CNTNAP4: variants seen among roughly 807,000 people sequenced by gnomAD.
CNTNAP4 encodes contactin associated protein family member 4.
Under a neutral mutation model 148.4 loss-of-function variants are expected in CNTNAP4, and 98 were observed. The observed-to-expected ratio is 0.66, with a 90% CI of 0.56 to 0.78. The LOEUF is 0.78. CNTNAP4 is among the 30% of genes least tolerant of loss of function. The pLI is 0.00. For synonymous variants in CNTNAP4, 730 were observed against 565.1 expected (o/e 1.29, Z -4.14); for missense variants, 1,935 against 1,565.6 (o/e 1.24, Z -3.98).
At chr16:76,328,808 G>T (rs1023751410) in intron 2 of CNTNAP4, among the ~76,000 whole-genome samples, 8 of 152,064 alleles carry the variant, frequency 5.3e-5, no homozygotes, top group African/African-American at 1.9e-4. Flanking sequence ...ACCGCACCTG[G>T]CTAATTTTGT....
chr16:76,334,140 C>G (rs2144279250), intron 2 of CNTNAP4, among the ~76,000 whole-genome samples: 1 of 151,332 alleles, frequency 6.6e-6, no homozygotes, highest in African/African-American at 2.4e-5. Flanking sequence ...GTGTAACAAA[C>G]CTGCACGTTG....
Position 76,316,482 on chromosome 16 carries a change from G to T in CNTNAP4, c.155G>T (p.Ser52Ile), listed in dbSNP as rs564947095. ...TTCAGCAGTTCTTCCGAGCTCTCCA[G>T]CAGTCATGGTCCTGGATTTGCAAGG... ...ASFSSSSELSSSHGPGFARLN... is the reference protein window; with the variant it reads ...ASFSSSSELSISHGPGFARLN... Residue 52 changes from serine (S) to isoleucine (I), a missense_variant, in exon 2 of 24, where the codon AGC (serine) becomes ATC (isoleucine). Physicochemically the swap from Ser to Ile is moderately radical, Grantham distance 142 (BLOSUM62 -2). Transcript: ENST00000611870. 1 of 1,613,882 alleles carries T rather than the reference G, an allele frequency of 6.2e-7. No individual in the cohort carries two copies. The highest frequency in any genetic ancestry group is 8.5e-7 in the Non-Finnish European group (1 of 1,179,824).
intron 15 of CNTNAP4, among the ~76,000 whole-genome samples, chr16:76,502,860 C>T (rs2082706885): frequency 6.6e-6 from 1 of 151,410 alleles, no homozygotes; most frequent in African/African-American, 2.4e-5. Flanking sequence ...TTTTCTCACA[C>T]AAACGAGAGA....
chr16:76,279,102 A>G (rs149070146), intron 1 of CNTNAP4, among the ~76,000 whole-genome samples: 2 of 152,324 alleles, frequency 1.3e-5, no homozygotes, highest in Non-Finnish European at 2.9e-5. Context: ...TGCATCATAC[A>G]AGCAAACAAT....
Position 76,522,141 on chromosome 16 carries a change from G to A in CNTNAP4, c.2639G>A (p.Arg880Lys). The A allele has an allele frequency of 6.2e-7, 1 of 1,613,990 alleles. No homozygotes were observed. The highest frequency in any genetic ancestry group is 8.5e-7 in the Non-Finnish European group (1 of 1,179,890). The change falls in exon 17 of 24, where the codon AGG becomes AAG. Residue 880 changes from arginine (R) to lysine (K), a missense_variant. Coordinates refer to ENST00000611870, the MANE Select transcript of CNTNAP4 (RefSeq NM_033401.5). Reference protein sequence around the residue: ...HFNDNQWHHVRVERNMKEASL... With the variant: ...HFNDNQWHHVKVERNMKEASL... ...AACGACAACCAGTGGCACCATGTGA[G>A]GGTTGAAAGGAACATGAAGGAGGCC...
At position 76,461,938 on chromosome 16, in the gene CNTNAP4, C is replaced by A. The variant is rs780504123; in HGVS notation, c.1334-18C>A. ...GTTCACTATTGAGAGCGATCTCTAA[C>A]TGATTTCATCTCCCTAGGTGTCGAA... is the stretch of plus-strand genomic sequence containing the variant. On this transcript the variant is annotated intron_variant, in intron 8 of 23. Transcript: ENST00000611870. 2.0e-5 allele frequency: 33 copies of A among 1,611,764 alleles called. No homozygotes were observed. The South Asian group carries it at 3.3e-4, about 16-fold the overall frequency.
chr16:76,300,180 A>C (rs1959803857), intron 1 of CNTNAP4, among the ~76,000 whole-genome samples: 1 of 152,154 alleles, frequency 6.6e-6, no homozygotes, highest in African/African-American at 2.4e-5. Flanking sequence ...AACTTTTTGC[A>C]GGTGACATCT....
At chr16:76,406,654 T>A (rs1199806030) in intron 3 of CNTNAP4, among the ~76,000 whole-genome samples, 6 of 152,160 alleles carry the variant, frequency 3.9e-5, no homozygotes, top group Non-Finnish European at 1.5e-5. Flanking sequence ...GAAATAACCC[T>A]ATTGCTGATA....
In CNTNAP4 at chr16:76,316,460, A is replaced by G; in HGVS notation, c.133A>G (p.Ser45Gly). The change falls in exon 2 of 24, where the codon AGC becomes GGC. Residue 45 changes from serine to glycine, a missense_variant. Physicochemically the swap from Ser to Gly is moderately conservative, Grantham distance 56. Coordinates refer to ENST00000611870, the MANE Select transcript of CNTNAP4 (RefSeq NM_033401.5). Reference sequence around the variant, plus strand: ...GTCTGCCTTGCCTCAGGCATCCTTCAGCAGTTCTTCCGAGCTCTCCAGCAG... The same window carrying G: ...GTCTGCCTTGCCTCAGGCATCCTTCGGCAGTTCTTCCGAGCTCTCCAGCAG... ...LVSALPQASF[S>G]SSSELSSSHG... 1.2e-6 allele frequency: 2 copies of G among 1,613,890 alleles called. No homozygotes were observed. Among genetic ancestry groups the G allele is most frequent in the Non-Finnish European group, 1.7e-6 (2 of 1,179,840 alleles).
intron 3 of CNTNAP4, among the ~76,000 whole-genome samples, chr16:76,367,131 C>G (rs558866648): frequency 6.6e-6 from 1 of 151,784 alleles, no homozygotes; most frequent in African/African-American, 2.4e-5. Flanking sequence ...GTTACTATGT[C>G]CAAATACATT....
At position 76,469,172 on chromosome 16, in the gene CNTNAP4, T is replaced by C. The variant is rs145676040; in HGVS notation, c.1655+1649T>C. Among the ~76,000 whole-genome samples the C allele has an allele frequency of 3.9e-3, 601 of 152,262 alleles. 8 individuals carry two copies. Among genetic ancestry groups the C allele is most frequent in the Non-Finnish European group, 3.2e-3 (217 of 68,022 alleles). On this transcript the variant is annotated intron_variant, in intron 10 of 23. Transcript: ENST00000611870. ...AGCAATAAGAGTGGCAGGACATAAT[T>C]TCCTCCCCACAAATACTCATTTATT...
chr16:76,502,468 A>G (rs991885728), intron 15 of CNTNAP4, among the ~76,000 whole-genome samples: 1 of 152,042 alleles, frequency 6.6e-6, no homozygotes, highest in Non-Finnish European at 1.5e-5. Context: ...AAGCAGAGAA[A>G]AGCTGCATGG....
intron 3 of CNTNAP4, among the ~76,000 whole-genome samples, chr16:76,400,144 T>G (rs1340574766): frequency 2.6e-5 from 4 of 152,314 alleles, no homozygotes; most frequent in Admixed American, 6.5e-5. Flanking sequence ...TGGGTATTAC[T>G]GTTATGTTAT....
At chr16:76,372,187 T>C (rs946517236) in intron 3 of CNTNAP4, among the ~76,000 whole-genome samples, 4 of 148,624 alleles carry the variant, frequency 2.7e-5, no homozygotes, top group African/African-American at 9.9e-5. Context: ...TTGCCCAGGC[T>C]TGAATGCAGT....
At chr16:76,400,468 CA>C (rs1300461828) in intron 3 of CNTNAP4, among the ~76,000 whole-genome samples, 3 of 152,038 alleles carry the variant, frequency 2.0e-5, no homozygotes, top group Non-Finnish European at 4.4e-5. Flanking sequence ...GCATAGTTTG[CA>C]CATATTTTCT....
intron 1 of CNTNAP4, among the ~76,000 whole-genome samples, chr16:76,304,042 C>T (rs949794511): frequency 4.6e-5 from 7 of 152,228 alleles, no homozygotes; most frequent in African/African-American, 1.7e-4. Context: ...TTATAATAAA[C>T]ACTTAAAGCA....
At chr16:76,373,155 G>A (rs34769518) in intron 3 of CNTNAP4, among the ~76,000 whole-genome samples, 60,491 of 144,222 alleles carry the variant, frequency 0.42, 13,478 homozygotes, top group Non-Finnish European at 0.44. Context: ...ATAAATAGGT[G>A]AATATATTCC....
chr16:76,355,137 A>G (rs1400599330), intron 2 of CNTNAP4, among the ~76,000 whole-genome samples, 181 bp from the exon 3 acceptor site: 3 of 152,230 alleles, frequency 2.0e-5, no homozygotes, highest in Non-Finnish European at 4.4e-5. Flanking sequence ...TAATTAACAT[A>G]GACATCATAT....
At chr16:76,424,757 TA>T (rs918208529) in intron 3 of CNTNAP4, among the ~76,000 whole-genome samples, 2 of 125,974 alleles carry the variant, frequency 1.6e-5, no homozygotes, top group African/African-American at 6.1e-5. Context: ...AGACTCGGTC[TA>T]AAAAAACAAA....
Sources: allele counts gnomAD v4.1 joint callset (sites outside exome capture counted in the v4.1 genomes callset), GRCh38; gene constraint gnomAD v4.1.1; transcripts MANE v1.5; gene names NCBI Gene and HGNC (gene_info 2026-07-23, HGNC 2026-07-21).